The following SMG6 variants were observed in gnomAD, a reference collection of about 807,000 sequenced individuals.
SMG6 encodes SMG6 nonsense mediated mRNA decay factor.
In SMG6, 66 loss-of-function variants were observed where a neutral mutation model predicts 142.2. The ratio of observed to expected loss-of-function variants is 0.46; its 90% CI spans 0.38 to 0.57. The LOEUF (loss-of-function observed/expected upper bound fraction) is 0.57. Ranked by LOEUF, SMG6 falls within the 20% of genes least tolerant of loss-of-function variation. The probability of loss-of-function intolerance (pLI) is 0.00; values close to 1 mark genes in which losing one functional copy is unlikely to be tolerated. For missense variants in SMG6, 1,793 were observed against 1,832.0 expected, an observed-to-expected ratio of 0.98 and a Z score of 0.39; for synonymous variants, 779 against 702.4, an observed-to-expected ratio of 1.11 and a Z score of -1.72.
At chr17:2,242,191 A>C (rs1480465473) in intron 9 of SMG6, among the ~76,000 whole-genome samples, 3 of 152,048 alleles carry the variant, frequency 2.0e-5, no homozygotes, top group Non-Finnish European at 2.9e-5. Context: ...AAAAGTAGTA[A>C]AGGAGAGAAA....
intron 10 of SMG6, among the ~76,000 whole-genome samples, chr17:2,218,466 G>C (rs1055095543): frequency 6.6e-6 from 1 of 152,054 alleles, no homozygotes; most frequent in Non-Finnish European, 1.5e-5. Flanking sequence ...AGAATGGCGT[G>C]GACCCAGGGG....
intron 13 of SMG6, among the ~76,000 whole-genome samples, chr17:2,156,286 C>T (rs759033553): frequency 1.4e-5 from 2 of 148,096 alleles, no homozygotes; most frequent in Non-Finnish European, 3.0e-5. Context: ...CCCAGCTACT[C>T]CGGAGGCTGA....
At chr17:2,131,299 AT>A (rs201040820) in intron 13 of SMG6, among the ~76,000 whole-genome samples, 34,439 of 146,116 alleles carry the variant, frequency 0.24, 5,440 homozygotes, top group African/African-American at 0.46. Flanking sequence ...CTCAGAAATG[AT>A]TTTTTTTTTT....
chr17:2,171,383 A>G (rs2151649179), intron 13 of SMG6, among the ~76,000 whole-genome samples: 1 of 137,880 alleles, frequency 7.3e-6, no homozygotes. Flanking sequence ...GTGTGTGTGT[A>G]CTATAAATTA....
Position 2,282,762 on chromosome 17 carries a change from T to C in SMG6, c.2546A>G (p.Asp849Gly). 6.2e-7 allele frequency: 1 copy of C among 1,614,188 alleles called. No individual in the cohort carries two copies. Among genetic ancestry groups the C allele is most frequent in the South Asian group, 1.1e-5 (1 of 91,078 alleles). Reference sequence around the variant, plus strand: ...AATCCAGATCTCCAGGCGAGTGGTGTCATCTCCAACATGCCGGAAAGTAGA... The same window carrying C: ...AATCCAGATCTCCAGGCGAGTGGTGCCATCTCCAACATGCCGGAAAGTAGA... Reference protein sequence around the residue: ...KKSTFRHVGDDTTRLEIWIHP... With the variant: ...KKSTFRHVGDGTTRLEIWIHP... The change falls in exon 8 of 19, where the codon GAC becomes GGC. Residue 849 changes from aspartate (D) to glycine (G), a missense_variant. Coordinates refer to ENST00000263073, the MANE Select transcript of SMG6 (RefSeq NM_017575.5).
intron 13 of SMG6, among the ~76,000 whole-genome samples, chr17:2,116,215 G>C (rs1005897044): frequency 3.3e-5 from 5 of 151,762 alleles, no homozygotes; most frequent in African/African-American, 7.3e-5. Flanking sequence ...GTACATATGG[G>C]TATGAGCCAC....
intron 10 of SMG6, among the ~76,000 whole-genome samples, chr17:2,210,963 A>C (rs931979322): frequency 6.6e-6 from 1 of 152,038 alleles, no homozygotes; most frequent in African/African-American, 2.4e-5. Flanking sequence ...GCTTCTTTCA[A>C]GAGCATTCCC....
At chr17:2,204,185 CGAGATAGGT>C (rs1267821383) in intron 10 of SMG6, among the ~76,000 whole-genome samples, 1 of 152,002 alleles carries the variant, frequency 6.6e-6, no homozygotes, top group Admixed American at 6.6e-5. Flanking sequence ...AAAACAATTC[CGAGATAGGT>C]GAGACAGAAA....
intron 15 of SMG6, among the ~76,000 whole-genome samples, chr17:2,070,180 T>C (rs556473689): frequency 6.6e-4 from 100 of 152,314 alleles, no homozygotes; most frequent in South Asian, 2.1e-4. Context: ...AAGCCTGATT[T>C]TCTTCTCTGA....
chr17:2,279,357 C>T (rs1371117113), intron 8 of SMG6, among the ~76,000 whole-genome samples: 1 of 152,128 alleles, frequency 6.6e-6, no homozygotes, highest in Non-Finnish European at 1.5e-5. Flanking sequence ...TTTGAAGTAG[C>T]AGGAGCCAGA....
rs1006672560 is a variant in SMG6, at chr17:2,068,711, G to A, written c.3835+67C>T. 1.0e-5 allele frequency: 16 copies of A among 1,524,756 alleles called. No individual in the cohort carries two copies. The highest frequency in any genetic ancestry group is 8.1e-5 in the African/African-American group (6 of 73,644). The allele number at this position is 1,524,756 out of a possible 1,614,324, so 94.5% of individuals were successfully genotyped here. On this transcript the variant is annotated intron_variant, in intron 16 of 18. Transcript: ENST00000263073. This position sits in a 1 kb window ranked among gnomAD's most constrained non-coding sequence, Gnocchi z 6.7. ...GCTCTGCCTGCCTGGCCCCCAGGCC[G>A]TGGGGCGTGTGTGGAGGGGGCTGCT...
intron 13 of SMG6, among the ~76,000 whole-genome samples, chr17:2,104,021 A>G (rs557291431): frequency 2.0e-5 from 3 of 150,114 alleles, no homozygotes; most frequent in East Asian, 3.9e-4. Flanking sequence ...GCACGATCTC[A>G]GCTCACTGCA....
intron 14 of SMG6, among the ~76,000 whole-genome samples, chr17:2,084,027 C>T (rs1248768015): frequency 6.6e-6 from 1 of 152,184 alleles, no homozygotes; most frequent in Non-Finnish European, 1.5e-5. Flanking sequence ...CTACCAAGAT[C>T]CGGGACCAGA....
intron 13 of SMG6, 97 bp downstream of exon 13, chr17:2,172,561 T>C: frequency 7.8e-7 from 1 of 1,288,970 alleles, no homozygotes; most frequent in East Asian, 2.3e-5. Flanking sequence ...AATGACTTAA[T>C]CATGTTCCAT....
chr17:2,192,837 G>C (rs530142994), intron 10 of SMG6, among the ~76,000 whole-genome samples: 1 of 152,338 alleles, frequency 6.6e-6, no homozygotes, highest in Non-Finnish European at 1.5e-5. Context: ...AGAGGAGGTA[G>C]AGGAAGCAGT....
chr17:2,065,733 A>G, intron 16 of SMG6, 54 bp from the exon 17 acceptor site: 1 of 1,459,868 alleles, frequency 6.8e-7, no homozygotes, highest in Non-Finnish European at 9.4e-7. Flanking sequence ...CTTTCATCCT[A>G]GGCCTCTGTC....
intron 8 of SMG6, among the ~76,000 whole-genome samples, chr17:2,275,983 T>C (rs947236752): frequency 6.6e-6 from 1 of 152,238 alleles, no homozygotes; most frequent in Non-Finnish European, 1.5e-5. Context: ...ATGTTACCAC[T>C]GTTACTAACA....
chr17:2,285,679 T>C (rs1430424368), intron 6 of SMG6, among the ~76,000 whole-genome samples: 1 of 152,124 alleles, frequency 6.6e-6, no homozygotes, highest in African/African-American at 2.4e-5. Context: ...TTTTCTTTTT[T>C]TTTTTCTTTT....
Position 2,231,107 on chromosome 17 carries a change from T to C in SMG6, c.2869+5385A>G, listed in dbSNP as rs2073478787. Among the ~76,000 whole-genome samples the C allele has an allele frequency of 2.6e-5, 4 of 152,130 alleles. No individual in the cohort carries two copies. The South Asian group carries it at 8.3e-4, about 31-fold the overall frequency. On this transcript the variant is annotated intron_variant, in intron 10 of 18. Coordinates refer to ENST00000263073, the MANE Select transcript of SMG6 (RefSeq NM_017575.5). ...AGCGGAGGATTAGGCACTTCATACA[T>C]TCTGCTTGGGTAAGAGACTCACGAC...
Sources: allele counts gnomAD v4.1 joint callset (sites outside exome capture counted in the v4.1 genomes callset), GRCh38; gene constraint gnomAD v4.1.1; non-coding constraint Gnocchi (gnomAD v3.1); transcripts MANE v1.5; gene names NCBI Gene and HGNC (gene_info 2026-07-23, HGNC 2026-07-21).